The following POR variants were observed in gnomAD, a reference collection of about 807,000 sequenced individuals.
POR encodes NADPH--cytochrome P450 reductase.
In POR, 56 loss-of-function variants were observed where a neutral mutation model predicts 84.0. The ratio of observed to expected loss-of-function variants is 0.67; its 90% CI spans 0.54 to 0.83. The LOEUF (loss-of-function observed/expected upper bound fraction) is 0.83. Among genes scored for constraint, POR ranks in the 40% least tolerant of loss-of-function variants. POR has a pLI of 0.00. For synonymous variants in POR, 414 were observed against 400.5 expected, an observed-to-expected ratio of 1.03 and a Z score of -0.40; for missense variants, 938 against 944.3, an observed-to-expected ratio of 0.99 and a Z score of 0.09.
At chr7:75,923,008 T>C in intron 1 of POR, 1 of 673,682 alleles carries the variant, frequency 1.5e-6, no homozygotes, top group Non-Finnish European at 2.7e-6. Context: ...AGATAAACAT[T>C]CCTTGGCCTT....
chr7:75,949,104 TG>T (rs1563411402), intron 1 of POR, among the ~76,000 whole-genome samples: 1 of 152,146 alleles, frequency 6.6e-6, no homozygotes, highest in African/African-American at 2.4e-5. Flanking sequence ...CCGGATCGTA[TG>T]GGCCTTATGA....
intron 1 of POR, among the ~76,000 whole-genome samples, chr7:75,932,788 G>A (rs1807481960): frequency 6.6e-6 from 1 of 152,096 alleles, no homozygotes; most frequent in Non-Finnish European, 1.5e-5. Context: ...GGGAGGCCGA[G>A]GTGGGTGGAT....
At chr7:75,980,808 C>T (rs1183031283) in intron 5 of POR, 8 of 1,282,604 alleles carry the variant, frequency 6.2e-6, no homozygotes, top group East Asian at 2.6e-5. Context: ...GGGCTGGCCC[C>T]GCTTCCCTGT....
intron 3 of POR, among the ~76,000 whole-genome samples, chr7:75,977,891 C>A (rs1788770448): frequency 6.6e-6 from 1 of 152,218 alleles, no homozygotes; most frequent in Non-Finnish European, 1.5e-5. Context: ...CTTGGCCTCC[C>A]TTCCACCCTT....
chr7:75,982,772 T>G (rs573704523), intron 8 of POR, among the ~76,000 whole-genome samples: 1 of 152,342 alleles, frequency 6.6e-6, no homozygotes, highest in Admixed American at 6.5e-5. Flanking sequence ...CAAGACCAGC[T>G]GCCCTGCTTT....
At chr7:75,967,716 C>G (rs571978393) in intron 2 of POR, 1 of 222,716 alleles carries the variant, frequency 4.5e-6, no homozygotes, top group Admixed American at 4.5e-5. Context: ...CCAAGGAGAC[C>G]CGAGTCGGGG....
intron 6 of POR, 127 bp downstream of exon 6, chr7:75,981,299 G>A: frequency 7.3e-7 from 1 of 1,372,612 alleles, no homozygotes; most frequent in Non-Finnish European, 9.7e-7. Flanking sequence ...CAGAGGGAAG[G>A]GGCTCTCCTG....
rs1554557540 is a variant in POR, at chr7:75,980,398, C to G, written c.426C>G (p.Thr142=). The G allele has an allele frequency of 1.2e-6, 2 of 1,613,310 alleles. No homozygotes were observed. Among genetic ancestry groups the G allele is most frequent in the Non-Finnish European group, 1.7e-6 (2 of 1,179,878 alleles). Residue 142 remains threonine, a synonymous_variant, in exon 5 of 16, where the codon ACC becomes ACG. Coordinates refer to ENST00000461988, the MANE Select transcript of POR (RefSeq NM_000941.3). ...CCCTGGTGGTTTTCTGCATGGCCAC[C>G]TACGGTGAGGGAGACCCCACCGACA...
chr7:75,980,858 C>T, intron 5 of POR, 190 bp from the exon 6 acceptor site: 1 of 1,084,478 alleles, frequency 9.2e-7, no homozygotes, highest in Non-Finnish European at 1.3e-6. Flanking sequence ...CTGTGGGCTG[C>T]AGGTCAACCA....
intron 1 of POR, among the ~76,000 whole-genome samples, chr7:75,928,579 A>G (rs1247910077): frequency 1.3e-5 from 2 of 152,348 alleles, no homozygotes; most frequent in East Asian, 3.9e-4. Flanking sequence ...AGATGGTGGA[A>G]TGACAAGAGA....
At chr7:75,953,784 G>A (rs1391316815) in intron 1 of POR, among the ~76,000 whole-genome samples, 1 of 152,136 alleles carries the variant, frequency 6.6e-6, no homozygotes, top group Non-Finnish European at 1.5e-5. Context: ...GACACCACTG[G>A]GGGCTGTCTG....
At chr7:75,959,825 T>A (rs577547139) in intron 2 of POR, among the ~76,000 whole-genome samples, 51 of 152,322 alleles carry the variant, frequency 3.3e-4, no homozygotes, top group African/African-American at 1.2e-3. Context: ...TATATTAATA[T>A]GGGAAGAGTT....
chr7:75,927,943 T>G lies in POR; in HGVS notation c.-5+12764T>G, dbSNP rs1807218468. On this transcript the variant is annotated intron_variant, in intron 1 of 15. Coordinates refer to ENST00000461988, the MANE Select transcript of POR (RefSeq NM_000941.3). ...CTCCTCGGCCTGAGGCATGAGCCAC[T>G]GCTCCCAGTCTCTATCTCAGGTTTC... 3.3e-5 allele frequency among the ~76,000 whole-genome samples: 5 copies of G among 150,250 alleles called. No homozygotes were observed. The South Asian group carries it at 1.1e-3, about 32-fold the overall frequency.
At chr7:75,966,595 A>C (rs954189513) in intron 2 of POR, among the ~76,000 whole-genome samples, 1 of 152,214 alleles carries the variant, frequency 6.6e-6, no homozygotes, top group Admixed American at 6.5e-5. Context: ...GCTGGTCCAA[A>C]GCAGCTTCCC....
At chr7:75,962,950 T>A (rs1369385150) in intron 2 of POR, among the ~76,000 whole-genome samples, 1 of 152,228 alleles carries the variant, frequency 6.6e-6, no homozygotes, top group Non-Finnish European at 1.5e-5. Flanking sequence ...TGTATCACAG[T>A]TTCCCACAGT....
intron 1 of POR, among the ~76,000 whole-genome samples, chr7:75,937,340 C>T (rs561261341): frequency 1.1e-4 from 17 of 149,940 alleles, no homozygotes; most frequent in African/African-American, 3.7e-4. Context: ...GGCATGTTGG[C>T]GGGTGCCTGT....
chr7:75,971,974 G>C (rs1554556214), intron 2 of POR, among the ~76,000 whole-genome samples: 3 of 152,084 alleles, frequency 2.0e-5, no homozygotes, highest in Non-Finnish European at 4.4e-5. Context: ...GGAAGTGGCA[G>C]ATGTGAGAGG....
intron 1 of POR, among the ~76,000 whole-genome samples, chr7:75,919,142 G>T (rs1222097603): frequency 1.3e-5 from 2 of 151,970 alleles, no homozygotes; most frequent in African/African-American, 4.8e-5. Context: ...AGGATTACAG[G>T]CACCGGCCAC....
chr7:75,966,360 A>G (rs1554555251), intron 2 of POR, among the ~76,000 whole-genome samples: 2 of 152,112 alleles, frequency 1.3e-5, no homozygotes, highest in Non-Finnish European at 2.9e-5. Context: ...TGTTTTCACC[A>G]AAGACTGGCG....
Sources: gnomAD v4.1 joint callset for allele counts (sites outside exome capture counted in the v4.1 genomes callset) on GRCh38, gnomAD v4.1.1 for gene constraint, MANE v1.5 for transcripts, NCBI Gene and HGNC (gene_info 2026-07-23, HGNC 2026-07-21) for gene names.